Variants in LRRTM4 observed in about 807,000 individuals in gnomAD.
LRRTM4 encodes leucine-rich repeat transmembrane neuronal protein 4.
In LRRTM4, 25 loss-of-function variants were observed where a neutral mutation model predicts 47.6. The observed-to-expected ratio is 0.53, with a 90% CI of 0.38 to 0.73. The LOEUF is 0.73. Ranked by LOEUF, LRRTM4 falls within the 30% of genes least tolerant of loss-of-function variation. LRRTM4 has a pLI of 0.00. For synonymous variants in LRRTM4, 311 were observed against 269.5 expected (o/e 1.15, Z -1.51); for missense variants, 638 against 713.4 (o/e 0.89, Z 1.20).
chr2:77,480,816 GTGTGTGGAGA>G (rs1431895166), intron 3 of LRRTM4, among the ~76,000 whole-genome samples: 5 of 124,576 alleles, frequency 4.0e-5, no homozygotes, highest in East Asian at 6.5e-4. Context: ...GTGTGTGTGT[GTGTGTGGAGA>G]GAGAGAGAGA....
intron 3 of LRRTM4, among the ~76,000 whole-genome samples, chr2:77,479,049 C>A (rs551397257): frequency 6.6e-6 from 1 of 152,196 alleles, no homozygotes; most frequent in South Asian, 2.1e-4. Context: ...CATGTGCCAC[C>A]ATGCCTGGCT....
chr2:77,258,069 C>A (rs1675818118), intron 3 of LRRTM4, among the ~76,000 whole-genome samples: 1 of 150,536 alleles, frequency 6.6e-6, no homozygotes, highest in East Asian at 2.0e-4. Context: ...GCACTCTAGC[C>A]TGAGCAACAA....
At chr2:77,090,021 C>T (rs1211529933) in intron 3 of LRRTM4, among the ~76,000 whole-genome samples, 3 of 152,102 alleles carry the variant, frequency 2.0e-5, no homozygotes, top group Non-Finnish European at 4.4e-5. Context: ...TCTTCCTTTT[C>T]TACAGACCCA....
chr2:77,146,998 A>C (rs958876666), intron 3 of LRRTM4, among the ~76,000 whole-genome samples: 5 of 152,176 alleles, frequency 3.3e-5, no homozygotes, highest in African/African-American at 9.6e-5. Flanking sequence ...GGCAAATCTG[A>C]TTTTATAAAA....
chr2:77,489,248 T>C (rs1271288861), intron 3 of LRRTM4, among the ~76,000 whole-genome samples: 1 of 152,178 alleles, frequency 6.6e-6, no homozygotes, highest in East Asian at 1.9e-4. Flanking sequence ...TATTACCCTT[T>C]GGGAGAAGAC....
chr2:77,409,644 T>C (rs1674344075), intron 3 of LRRTM4, among the ~76,000 whole-genome samples: 1 of 152,196 alleles, frequency 6.6e-6, no homozygotes, highest in Admixed American at 6.6e-5. Flanking sequence ...GCTAAGTTTC[T>C]TTAATAAGAA....
At position 76,893,213 on chromosome 2, in the gene LRRTM4, T is replaced by G. The variant is rs114570866; in HGVS notation, c.1552-144297A>C. Among the ~76,000 whole-genome samples, 7 of 151,782 alleles carry G rather than the reference T, an allele frequency of 4.6e-5. No homozygotes were observed. In the East Asian group the frequency reaches 1.4e-3, roughly 29 times the overall value. On this transcript the variant is annotated intron_variant, in intron 3 of 3. Transcript: ENST00000409884. ...TACATTTTGTATTAAAGGAAAAAGA[T>G]GCTCACACTTGATCTTTAAAAGAGA...
At chr2:76,914,429 C>T (rs1219051390) in intron 3 of LRRTM4, among the ~76,000 whole-genome samples, 1 of 152,056 alleles carries the variant, frequency 6.6e-6, no homozygotes, top group Non-Finnish European at 1.5e-5. Flanking sequence ...GGTTGATTTT[C>T]ACTTCCTGAT....
At chr2:77,232,701 A>C (rs1674998728) in intron 3 of LRRTM4, among the ~76,000 whole-genome samples, 1 of 152,232 alleles carries the variant, frequency 6.6e-6, no homozygotes, top group Non-Finnish European at 1.5e-5. Context: ...TATAAAGAGC[A>C]CTATGAACGT....
chr2:77,403,611 G>A (rs1672463752), intron 3 of LRRTM4, among the ~76,000 whole-genome samples: 1 of 151,742 alleles, frequency 6.6e-6, no homozygotes, highest in Admixed American at 6.6e-5. Context: ...TTTAATGAAT[G>A]TTTTCTAACT....
intron 3 of LRRTM4, among the ~76,000 whole-genome samples, chr2:77,069,431 GTGTGTGTT>G (rs1443708473): frequency 2.0e-5 from 3 of 151,432 alleles, no homozygotes; most frequent in Non-Finnish European, 4.4e-5. Context: ...GTGTGTGTGT[GTGTGTGTT>G]TGTGTGTGTT....
intron 3 of LRRTM4, among the ~76,000 whole-genome samples, chr2:77,241,328 C>G (rs1420240516): frequency 6.6e-6 from 1 of 151,886 alleles, no homozygotes; most frequent in Non-Finnish European, 1.5e-5. Flanking sequence ...AGAGAACAGA[C>G]TTTTTGAGAA....
At chr2:77,293,827 C>G (rs531001502) in intron 3 of LRRTM4, among the ~76,000 whole-genome samples, 2 of 152,046 alleles carry the variant, frequency 1.3e-5, no homozygotes, top group Non-Finnish European at 2.9e-5. Flanking sequence ...AGCCCTGGAC[C>G]CTCATAATGA....
At chr2:76,818,771 C>T (rs999481654) in intron 3 of LRRTM4, among the ~76,000 whole-genome samples, 11 of 151,588 alleles carry the variant, frequency 7.3e-5, no homozygotes, top group African/African-American at 1.5e-4. Flanking sequence ...ATGTTTCCTA[C>T]TAATATTATT....
intron 3 of LRRTM4, among the ~76,000 whole-genome samples, chr2:77,330,624 T>C (rs1300879476): frequency 1.3e-5 from 2 of 152,204 alleles, no homozygotes; most frequent in Non-Finnish European, 2.9e-5. Flanking sequence ...TTCTATTTTA[T>C]GTGCATATGC....
At chr2:76,807,408 G>GTATATA in intron 3 of LRRTM4, among the ~76,000 whole-genome samples, 1 of 40,308 alleles carries the variant, frequency 2.5e-5, no homozygotes, top group African/African-American at 8.3e-5. Context: ...ATGTATATAC[G>GTATATA]TATATATATA....
intron 3 of LRRTM4, among the ~76,000 whole-genome samples, chr2:77,111,256 T>C (rs1194047439): frequency 6.6e-6 from 1 of 150,568 alleles, no homozygotes; most frequent in Non-Finnish European, 1.5e-5. Context: ...TAGCTGGGAC[T>C]ACAGGTGTGT....
intron 3 of LRRTM4, among the ~76,000 whole-genome samples, chr2:76,838,110 GGAA>G (rs3055936): frequency 0.34 from 51,300 of 150,652 alleles, 9,037 homozygotes; most frequent in East Asian, 0.47. Context: ...ATAAAAGAAT[GGAA>G]GAAGAAGAAA....
At chr2:77,034,767 T>C (rs1367504318) in intron 3 of LRRTM4, among the ~76,000 whole-genome samples, 1 of 151,966 alleles carries the variant, frequency 6.6e-6, no homozygotes, top group Non-Finnish European at 1.5e-5. Flanking sequence ...ATGTTTGCAA[T>C]CACTGAAATT....
Sources: allele counts gnomAD v4.1 joint callset (sites outside exome capture counted in the v4.1 genomes callset), GRCh38; gene constraint gnomAD v4.1.1; transcripts MANE v1.5; gene names NCBI Gene and HGNC (gene_info 2026-07-23, HGNC 2026-07-21).